Variants in FILIP1L observed in about 807,000 individuals in gnomAD.
FILIP1L encodes the protein filamin A interacting protein 1 like.
In FILIP1L, 55 loss-of-function variants were observed where a neutral mutation model predicts 96.6. That is an observed-to-expected ratio of 0.57 (90% CI 0.46 to 0.71). The LOEUF (loss-of-function observed/expected upper bound fraction) is 0.71. FILIP1L is among the 30% of genes least tolerant of loss of function. The probability of loss-of-function intolerance (pLI) is 0.00; values close to 1 mark genes in which losing one functional copy is unlikely to be tolerated. For synonymous variants in FILIP1L, 467 were observed against 473.9 expected (o/e 0.99, Z 0.19); for missense variants, 1,304 against 1,321.2 (o/e 0.99, Z 0.20).
At chr3:99,949,835 G>C (rs1020252809) in intron 1 of FILIP1L, among the ~76,000 whole-genome samples, 1 of 152,050 alleles carries the variant, frequency 6.6e-6, no homozygotes, top group African/African-American at 2.4e-5. Context: ...TCTTTGATTT[G>C]TTCATATTTT....
Position 100,032,535 on chromosome 3 carries a change from C to T in FILIP1L, c.-11+81518G>A, listed in dbSNP as rs115578410. Among the ~76,000 whole-genome samples the T allele has an allele frequency of 6.2e-3, 937 of 152,210 alleles. 6 individuals carry two copies. Among genetic ancestry groups the T allele is most frequent in the African/African-American group, 0.018 (739 of 41,532 alleles). The stretch of plus-strand genomic sequence containing the variant: ...GAGACAGCTAGCCGAATTCCCCTTT[C>T]GCAAAAACTGATTCATAACATTGTA... On this transcript the variant is annotated intron_variant, in intron 1 of 5. Coordinates refer to ENST00000477258, the MANE Select transcript of FILIP1L (RefSeq NM_001387850.1).
At chr3:99,941,132 T>C (rs1707838104) in intron 1 of FILIP1L, among the ~76,000 whole-genome samples, 1 of 152,234 alleles carries the variant, frequency 6.6e-6, no homozygotes, top group South Asian at 2.1e-4. Flanking sequence ...GGAAACTAAC[T>C]TTTCTAAAGC....
At chr3:100,097,336 T>C (rs1312830565) in intron 1 of FILIP1L, among the ~76,000 whole-genome samples, 1 of 152,186 alleles carries the variant, frequency 6.6e-6, no homozygotes, top group African/African-American at 2.4e-5. Context: ...TTGTAAGTAA[T>C]CTAGACATTT....
intron 4 of FILIP1L, among the ~76,000 whole-genome samples, chr3:99,899,102 A>G (rs565757233): frequency 3.3e-5 from 5 of 152,338 alleles, no homozygotes; most frequent in African/African-American, 1.2e-4. Flanking sequence ...ATTATATTAG[A>G]TGGAGATTTT....
intron 4 of FILIP1L, among the ~76,000 whole-genome samples, chr3:99,901,545 C>T (rs1321815403): frequency 1.3e-5 from 2 of 152,156 alleles, no homozygotes; most frequent in African/African-American, 2.4e-5. Context: ...AGATGTTCGT[C>T]GGGAAAGCTC....
intron 1 of FILIP1L, among the ~76,000 whole-genome samples, chr3:100,035,182 C>T (rs1352298432): frequency 6.6e-6 from 1 of 152,188 alleles, no homozygotes; most frequent in African/African-American, 2.4e-5. Flanking sequence ...AAGCCATCTA[C>T]ATTTTCAAGT....
chr3:99,868,483 G>A (rs1423394358), intron 4 of FILIP1L, among the ~76,000 whole-genome samples: 1 of 152,180 alleles, frequency 6.6e-6, no homozygotes, highest in South Asian at 2.1e-4. Flanking sequence ...GGATAGACTA[G>A]CATAACCAGA....
intron 1 of FILIP1L, among the ~76,000 whole-genome samples, chr3:99,964,054 G>A (rs1348682792): frequency 6.6e-6 from 1 of 151,968 alleles, no homozygotes; most frequent in Non-Finnish European, 1.5e-5. Flanking sequence ...TTGAATATTT[G>A]AACATAATAA....
intron 4 of FILIP1L, among the ~76,000 whole-genome samples, chr3:99,921,254 T>C (rs968661222): frequency 1.1e-4 from 16 of 152,220 alleles, no homozygotes; most frequent in African/African-American, 2.9e-4. Context: ...TTCACACTCT[T>C]GTGTGTAAGC....
chr3:99,906,237 G>A (rs1706613180), intron 4 of FILIP1L, among the ~76,000 whole-genome samples: 1 of 152,150 alleles, frequency 6.6e-6, no homozygotes, highest in Non-Finnish European at 1.5e-5. Flanking sequence ...TGGTAGGGCT[G>A]TAGTACTCCC....
chr3:100,045,871 A>T (rs2065271271), intron 1 of FILIP1L, among the ~76,000 whole-genome samples: 1 of 151,640 alleles, frequency 6.6e-6, no homozygotes, highest in South Asian at 2.1e-4. Context: ...GTGGAGTCTG[A>T]CCCTCCCTGC....
intron 4 of FILIP1L, among the ~76,000 whole-genome samples, chr3:99,856,207 T>C (rs985904913): frequency 3.3e-5 from 5 of 151,950 alleles, no homozygotes; most frequent in African/African-American, 4.8e-5. Flanking sequence ...CCCAGAGGGG[T>C]TTCCAACCCA....
chr3:99,941,612 G>T (rs1043466332), intron 1 of FILIP1L, among the ~76,000 whole-genome samples: 1 of 152,138 alleles, frequency 6.6e-6, no homozygotes, highest in African/African-American at 2.4e-5. Flanking sequence ...TATAATAAGG[G>T]AGATGAAACA....
chr3:99,842,441 T>C (rs114613518), intron 5 of FILIP1L, among the ~76,000 whole-genome samples: 8,461 of 151,088 alleles, frequency 0.056, 300 homozygotes, highest in Admixed American at 0.097. Flanking sequence ...AAAGAACTTA[T>C]TCATGTAACC....
At chr3:100,013,025 C>T (rs1710206548) in intron 1 of FILIP1L, among the ~76,000 whole-genome samples, 1 of 151,582 alleles carries the variant, frequency 6.6e-6, no homozygotes, top group African/African-American at 2.4e-5. Context: ...CTTCACCACA[C>T]CCAGCCAATT....
At position 99,943,612 on chromosome 3, in the gene FILIP1L, G is replaced by A. The variant is rs564044835; in HGVS notation, c.-10-12582C>T. Among the ~76,000 whole-genome samples, 23 of 152,164 alleles carry A rather than the reference G, an allele frequency of 1.5e-4. No homozygotes were observed. The East Asian group carries it at 3.7e-3, about 24-fold the overall frequency. On this transcript the variant is annotated intron_variant, in intron 1 of 5. Coordinates refer to ENST00000477258, the MANE Select transcript of FILIP1L (RefSeq NM_001387850.1). The stretch of plus-strand genomic sequence containing the variant: ...CCAGCTACTCGGGAGGCTGAGGCAG[G>A]AGAATCGCTTGAACCCGGGAGGTGG...
At position 99,872,927 on chromosome 3, in the gene FILIP1L, T is replaced by C. The variant is rs1406172220; in HGVS notation, c.606-21857A>G. Reference sequence around the variant, plus strand: ...AGGAGAATCTCAAGTCTTTTTTTTTTTTTAAAAAAAGGAGGGATGTGCAAA... The same window carrying C: ...AGGAGAATCTCAAGTCTTTTTTTTTCTTTAAAAAAAGGAGGGATGTGCAAA... On this transcript the variant is annotated intron_variant, in intron 4 of 5. Coordinates refer to ENST00000477258, the MANE Select transcript of FILIP1L (RefSeq NM_001387850.1). Among the ~76,000 whole-genome samples, 9 of 152,024 alleles carry C rather than the reference T, an allele frequency of 5.9e-5. 1 individual carries two copies.
intron 1 of FILIP1L, among the ~76,000 whole-genome samples, chr3:100,061,125 G>A (rs370811744): frequency 6.6e-6 from 1 of 151,876 alleles, no homozygotes; most frequent in South Asian, 2.1e-4. Context: ...AGGCAGAAAG[G>A]CACTGTTAAA....
chr3:99,867,998 C>T (rs1944604108), intron 4 of FILIP1L, among the ~76,000 whole-genome samples: 1 of 152,160 alleles, frequency 6.6e-6, no homozygotes, highest in African/African-American at 2.4e-5. Flanking sequence ...TCAAAAGAGA[C>T]TCTTTATTGT....
Sources: allele counts gnomAD v4.1 joint callset (sites outside exome capture counted in the v4.1 genomes callset), GRCh38; gene constraint gnomAD v4.1.1; transcripts MANE v1.5; gene names NCBI Gene and HGNC (gene_info 2026-07-23, HGNC 2026-07-21).